Variants in DNAH8 observed in about 807,000 individuals in gnomAD.
The protein encoded by DNAH8 is dynein axonemal heavy chain 8.
A neutral mutation model predicts 562.1 loss-of-function variants in DNAH8; 382 were observed. That is an observed-to-expected ratio of 0.68 (90% CI 0.63 to 0.74). The LOEUF (loss-of-function observed/expected upper bound fraction) is 0.74, where lower values mean the gene tolerates loss of function less well. DNAH8 is among the 30% of genes least tolerant of loss of function. The pLI is 0.00. For synonymous variants in DNAH8, 1,881 were observed against 1,919.4 expected (o/e 0.98, Z 0.52); for missense variants, 5,203 against 5,620.4 (o/e 0.93, Z 2.37).
Position 38,990,124 on chromosome 6 carries a change from C to G in DNAH8, c.13166C>G (p.Ser4389Cys), listed in dbSNP as rs777852040. ...TTTGAATACATCCAGTCACTGCCAT[C>G]CCTAGATAACCCTGAAGTCTTTGGG... ...QYFEYIQSLPSLDNPEVFGLH... is the reference protein window; with the variant it reads ...QYFEYIQSLPCLDNPEVFGLH... Residue 4389 changes from serine to cysteine, a missense_variant, in exon 88 of 93, where the codon TCC (serine) becomes TGC (cysteine). Ser to Cys is a moderately radical substitution (Grantham distance 112). Around this residue, in one of 6 missense-constraint regions of DNAH8, gnomAD observed 1,399 missense variants for 1,518.4 expected, o/e 0.92. Coordinates refer to ENST00000327475, the MANE Select transcript of DNAH8 (RefSeq NM_001206927.2). The G allele has an allele frequency of 6.2e-7, 1 of 1,610,322 alleles. No homozygotes were observed. The highest frequency in any genetic ancestry group is 1.3e-5 in the African/African-American group (1 of 74,940).
At chr6:38,747,370 CTTTTTTTCTTTTTCTT>C (rs1490326042) in intron 8 of DNAH8, among the ~76,000 whole-genome samples, 5 of 137,114 alleles carry the variant, frequency 3.6e-5, no homozygotes, top group Non-Finnish European at 6.2e-5. Context: ...TTGTCATTTT[CTTTTTTTCTTTTTCTT>C]TTTTTTTTTT....
At chr6:39,015,575 G>A (rs1005005608) in intron 91 of DNAH8, among the ~76,000 whole-genome samples, 17 of 152,056 alleles carry the variant, frequency 1.1e-4, no homozygotes, top group Non-Finnish European at 1.9e-4. Flanking sequence ...CATGTAAGAC[G>A]TGCCTGCTTC....
chr6:38,979,842 A>C (rs1763913486), intron 85 of DNAH8, among the ~76,000 whole-genome samples: 2 of 152,250 alleles, frequency 1.3e-5, no homozygotes, highest in Non-Finnish European at 2.9e-5. Flanking sequence ...GAACATTAAA[A>C]TTTAAAAATT....
chr6:38,787,007 AT>A (rs564135826), intron 18 of DNAH8, 55 bp downstream of exon 18: 130 of 1,085,016 alleles, frequency 1.2e-4, no homozygotes, highest in African/African-American at 5.1e-4. Flanking sequence ...GGTAAAAAAA[AT>A]ATGTATATAT....
At chr6:38,822,549 G>A (rs1212580079) in intron 26 of DNAH8, 1 of 240,794 alleles carries the variant, frequency 4.2e-6, no homozygotes, top group Non-Finnish European at 7.9e-6. Flanking sequence ...TTTTCTTAAA[G>A]GACTTTAACA....
chr6:38,750,479 TGG>T lies in DNAH8; in HGVS notation c.1298_1299del (p.Trp433SerfsTer2), dbSNP rs1226010548. 1 of 1,604,962 alleles carries T rather than the reference TGG, an allele frequency of 6.2e-7. No individual in the cohort carries two copies. The highest frequency in any genetic ancestry group is 8.5e-7 in the Non-Finnish European group (1 of 1,173,976). On this transcript the variant is annotated frameshift_variant, in exon 9 of 93. Transcript: ENST00000327475. LOFTEE classifies it high-confidence loss of function. ...NVAHSKLLKN[W>X]RDLDARITDT... ...TTCTTATACCTTTTTTTCTTAGAATTGGCGTGATTTGGATGCAAGAATCACTG... is the reference window on the plus strand; with the variant it reads ...TTCTTATACCTTTTTTTCTTAGAATTCGTGATTTGGATGCAAGAATCACTG...
intron 3 of DNAH8, among the ~76,000 whole-genome samples, chr6:38,724,660 G>A (rs1763057110): frequency 6.6e-6 from 1 of 152,140 alleles, no homozygotes; most frequent in African/African-American, 2.4e-5. Flanking sequence ...ATAAATTGAT[G>A]CGGTCACCCT....
intron 85 of DNAH8, among the ~76,000 whole-genome samples, chr6:38,975,698 G>A (rs1169095983): frequency 2.0e-5 from 3 of 152,200 alleles, no homozygotes; most frequent in Admixed American, 2.0e-4. Flanking sequence ...GTCAATTACA[G>A]CTTTCAAGTC....
intron 16 of DNAH8, among the ~76,000 whole-genome samples, chr6:38,782,497 G>T (rs1000534452): frequency 1.3e-5 from 2 of 152,102 alleles, no homozygotes; most frequent in Non-Finnish European, 2.9e-5. Flanking sequence ...GGCGAGGCAG[G>T]TCTCCAACTC....
intron 4 of DNAH8, among the ~76,000 whole-genome samples, chr6:38,733,228 A>G (rs1763793782): frequency 6.6e-6 from 1 of 151,606 alleles, no homozygotes; most frequent in Non-Finnish European, 1.5e-5. Flanking sequence ...TAAATTGGCT[A>G]TTGCTGCAAA....
intron 91 of DNAH8, among the ~76,000 whole-genome samples, chr6:39,023,118 C>T (rs1767032860): frequency 6.6e-6 from 1 of 152,058 alleles, no homozygotes; most frequent in African/African-American, 2.4e-5. Context: ...TTTGTTTCTC[C>T]CTTTGGAGTT....
chr6:38,841,871 C>T (rs1348428389), intron 33 of DNAH8, among the ~76,000 whole-genome samples: 1 of 152,084 alleles, frequency 6.6e-6, no homozygotes, highest in African/African-American at 2.4e-5. Flanking sequence ...TCACATGCCA[C>T]CACACCTGGC....
At chr6:39,019,681 G>A (rs1766777359) in intron 91 of DNAH8, among the ~76,000 whole-genome samples, 1 of 152,204 alleles carries the variant, frequency 6.6e-6, no homozygotes. Context: ...AGTAAATGAA[G>A]AAAAGGGATG....
chr6:38,957,788 A>G (rs1276981419), intron 82 of DNAH8, among the ~76,000 whole-genome samples: 1 of 150,028 alleles, frequency 6.7e-6, no homozygotes, highest in Non-Finnish European at 1.5e-5. Flanking sequence ...GCAAGTGAAA[A>G]TGGAAATACA....
At chr6:38,859,541 G>T (rs978084860) in intron 42 of DNAH8, among the ~76,000 whole-genome samples, 6 of 152,356 alleles carry the variant, frequency 3.9e-5, no homozygotes, top group Non-Finnish European at 7.3e-5. Context: ...TTTAAGAGCA[G>T]TGAAGGGGAC....
chr6:38,766,729 T>C (rs1050752110), intron 11 of DNAH8, among the ~76,000 whole-genome samples: 2 of 152,014 alleles, frequency 1.3e-5, no homozygotes, highest in South Asian at 2.1e-4. Context: ...AAAATAACTA[T>C]GTGAAGTGAG....
At chr6:38,728,224 T>A (rs34347017) in intron 3 of DNAH8, among the ~76,000 whole-genome samples, 1 of 151,816 alleles carries the variant, frequency 6.6e-6, no homozygotes, top group East Asian at 1.9e-4. Context: ...CACCTGGGCC[T>A]CTCAAAGTGC....
chr6:38,786,888 C>A lies in DNAH8; in HGVS notation c.2519C>A (p.Pro840Gln). 6.2e-7 allele frequency: 1 copy of A among 1,612,602 alleles called. No individual in the cohort carries two copies. Among genetic ancestry groups the A allele is most frequent in the South Asian group, 1.1e-5 (1 of 90,848 alleles). ...KCMIKMKLDV[P>Q]EQAKRLLKLE... ...ATGATAAAAATGAAGTTGGATGTAC[C>A]AGAACAGGCAAAGAGATTGCTAAAA... The change falls in exon 18 of 93, where the codon CCA (proline) becomes CAA (glutamine). Residue 840 changes from proline to glutamine, a missense_variant. Physicochemically the swap from Pro to Gln is moderately conservative, Grantham distance 76. Coordinates refer to ENST00000327475, the MANE Select transcript of DNAH8 (RefSeq NM_001206927.2).
chr6:38,716,945 G>C (rs1279434643), intron 1 of DNAH8: 2 of 152,184 alleles, frequency 1.3e-5, no homozygotes, highest in African/African-American at 2.4e-5. Context: ...GAAGTTCACT[G>C]AATCCTTAAA....
Sources: allele counts gnomAD v4.1 joint callset (sites outside exome capture counted in the v4.1 genomes callset), GRCh38; gene constraint gnomAD v4.1.1; regional missense constraint gnomAD v4.1.1; transcripts MANE v1.5; gene names NCBI Gene and HGNC (gene_info 2026-07-23, HGNC 2026-07-21).